TUBGCP4: variants seen among roughly 807,000 people sequenced by gnomAD.
TUBGCP4 encodes gamma-tubulin complex component 4.
In TUBGCP4, 54 loss-of-function variants were observed where a neutral mutation model predicts 91.6. The ratio of observed to expected loss-of-function variants is 0.59; its 90% CI spans 0.47 to 0.74. The LOEUF is 0.74. Among genes scored for constraint, TUBGCP4 ranks in the 30% least tolerant of loss-of-function variants. TUBGCP4 has a pLI of 0.00. For missense variants in TUBGCP4, 593 were observed against 800.9 expected, an observed-to-expected ratio of 0.74 and a Z score of 3.13; for synonymous variants, 297 against 302.8, an observed-to-expected ratio of 0.98 and a Z score of 0.20.
At position 43,407,338 on chromosome 15, in the gene TUBGCP4, A is replaced by AAT; in HGVS notation, c.*2125_*2126dup. On this transcript the variant is annotated 3_prime_UTR_variant, in exon 18 of 18. Transcript: ENST00000564079. The stretch of plus-strand genomic sequence containing the variant: ...CACATTTAAAACCTGGTTAAAACAC[A>AAT]ATCTCCACGATAGCAGGGAATAAAA... 6.4e-7 allele frequency: 1 copy of AAT among 1,571,840 alleles called. No individual in the cohort carries two copies.
Position 43,400,175 on chromosome 15 carries a change from G to C in TUBGCP4, c.1550G>C (p.Arg517Thr), listed in dbSNP as rs1177310642. 27 of 1,614,046 alleles carry C rather than the reference G, an allele frequency of 1.7e-5. No homozygotes were observed. The highest frequency in any genetic ancestry group is 2.3e-5 in the Non-Finnish European group (27 of 1,180,044). The change falls in exon 14 of 18, where the codon AGA becomes ACA. Residue 517 changes from arginine (R) to threonine (T), a missense_variant. Transcript: ENST00000564079. ...NQTDAIKWRL[R>T]NHMAFLVDNL... is the part of the protein sequence containing the mutation. ...ACTGATGCAATCAAGTGGCGCCTAA[G>C]AAATCACATGGCATTTTTGGTGGAT...
chr15:43,376,105 A>G lies in TUBGCP4; in HGVS notation c.86A>G (p.Gln29Arg), dbSNP rs753375716. The G allele has an allele frequency of 1.4e-5, 23 of 1,611,576 alleles. No individual in the cohort carries two copies. Among genetic ancestry groups the G allele is most frequent in the South Asian group, 1.3e-4 (12 of 91,004 alleles). The change falls in exon 2 of 18, where the codon CAG (glutamine) becomes CGG (arginine). Residue 29 changes from glutamine to arginine, a missense_variant. Physicochemically the swap from Gln to Arg is conservative, Grantham distance 43. Coordinates refer to ENST00000564079, the MANE Select transcript of TUBGCP4 (RefSeq NM_014444.5). ...WNKRSGLQVS[Q>R]DFPFLHPSET... is the part of the protein sequence containing the mutation. Reference sequence around the variant, plus strand: ...GTGTTCCTCTTCCTGCAGGTATCGCAGGACTTCCCTTTCCTCCACCCCAGT... The same window carrying G: ...GTGTTCCTCTTCCTGCAGGTATCGCGGGACTTCCCTTTCCTCCACCCCAGT...
At position 43,371,390 on chromosome 15, in the gene TUBGCP4, C is replaced by T; in HGVS notation, c.36C>T (p.Tyr12=). The part of the protein sequence containing the change: ...IHELLLALSG[Y]PGSIFTWNKR... ...AACTGCTCTTGGCTCTGAGCGGGTA[C>T]CCTGGGTCCATTTTCACCTGGAACA... Residue 12 remains tyrosine, a synonymous_variant, in exon 1 of 18, where the codon TAC becomes TAT. Transcript: ENST00000564079. 3 of 1,614,052 alleles carry T rather than the reference C, an allele frequency of 1.9e-6. No homozygotes were observed. Among genetic ancestry groups the T allele is most frequent in the Non-Finnish European group, 2.5e-6 (3 of 1,179,978 alleles).
intron 9 of TUBGCP4, among the ~76,000 whole-genome samples, chr15:43,389,761 A>G (rs2044436624): frequency 6.6e-6 from 1 of 152,182 alleles, no homozygotes; most frequent in Non-Finnish European, 1.5e-5. Flanking sequence ...AAAGTGGTTT[A>G]ATGAACTCAC....
At chr15:43,375,871 G>T (rs908890640) in intron 1 of TUBGCP4, among the ~76,000 whole-genome samples, 3 of 152,174 alleles carry the variant, frequency 2.0e-5, no homozygotes, top group Admixed American at 6.5e-5. Flanking sequence ...ATTTTATATT[G>T]TTTAAATTAT....
chr15:43,386,725 C>CAAAAAAAAAAAAAA (rs10718458), intron 9 of TUBGCP4, among the ~76,000 whole-genome samples: 1 of 67,012 alleles, frequency 1.5e-5, no homozygotes, highest in African/African-American at 5.7e-5. Flanking sequence ...ACTCTGTCTC[C>CAAAAAAAAAAAAAA]AAAAAAAAAA....
chr15:43,407,939 G>C lies in TUBGCP4; in HGVS notation c.*2725G>C, dbSNP rs372983329. On this transcript the variant is annotated 3_prime_UTR_variant, in exon 18 of 18. Coordinates refer to ENST00000564079, the MANE Select transcript of TUBGCP4 (RefSeq NM_014444.5). Reference sequence around the variant, plus strand: ...AAAGACACTACACACACTCTTTCAGGTACCTTTGTTATGGGCACTTGAATG... The same window carrying C: ...AAAGACACTACACACACTCTTTCAGCTACCTTTGTTATGGGCACTTGAATG... The C allele has an allele frequency of 5.6e-6, 9 of 1,610,410 alleles. No homozygotes were observed. The African/African-American group carries it at 1.2e-4, about 22-fold the overall frequency.
At chr15:43,403,987 A>G (rs2044769992) in intron 16 of TUBGCP4, 188 bp downstream of exon 16, 7 of 592,250 alleles carry the variant, frequency 1.2e-5, no homozygotes, top group Non-Finnish European at 1.8e-5. Flanking sequence ...GCCACCTCAC[A>G]GTGCTCAAAA....
rs1038081557 is a variant in TUBGCP4, at chr15:43,409,087, C to A, written c.*3873C>A. On this transcript the variant is annotated 3_prime_UTR_variant, in exon 18 of 18. Transcript: ENST00000564079. Reference sequence around the variant, plus strand: ...TCCGCAATTAGAAGACACTGGTAAGCTGTGTTACACTGCAAGAAAAGAAGC... The same window carrying A: ...TCCGCAATTAGAAGACACTGGTAAGATGTGTTACACTGCAAGAAAAGAAGC... 1 of 1,614,170 alleles carries A rather than the reference C, an allele frequency of 6.2e-7. No homozygotes were observed. Among genetic ancestry groups the A allele is most frequent in the African/African-American group, 1.3e-5 (1 of 75,046 alleles).
chr15:43,404,835 A>C lies in TUBGCP4; in HGVS notation c.1988+283A>C, dbSNP rs1429280845. The C allele has an allele frequency of 1.3e-5, 6 of 478,946 alleles. No individual in the cohort carries two copies. The East Asian group carries it at 1.8e-4, about 14-fold the overall frequency. The allele number at this position is 478,946 out of a possible 1,614,324, so 29.7% of individuals were successfully genotyped here. ...GGGAGGCAGTGGGCCTTCCACTCCC[A>C]ATTCTGATATGAACTAGCTGTGCAG... On this transcript the variant is annotated intron_variant, in intron 17 of 17. Transcript: ENST00000564079.
At chr15:43,395,898 T>C (rs2044572595) in intron 11 of TUBGCP4, among the ~76,000 whole-genome samples, 1 of 151,980 alleles carries the variant, frequency 6.6e-6, no homozygotes, top group Non-Finnish European at 1.5e-5. Context: ...CCTGGAAGAG[T>C]TGGTTCAGGC....
At position 43,406,131 on chromosome 15, in the gene TUBGCP4, C is replaced by T. The variant is rs1220456509; in HGVS notation, c.*917C>T. 6.7e-6 allele frequency: 1 copy of T among 148,628 alleles called. No homozygotes were observed. The highest frequency in any genetic ancestry group is 2.5e-5 in the African/African-American group (1 of 40,718). The allele number at this position is 148,628 out of a possible 1,614,324, so 9.2% of individuals were successfully genotyped here. On this transcript the variant is annotated 3_prime_UTR_variant, in exon 18 of 18. Coordinates refer to ENST00000564079, the MANE Select transcript of TUBGCP4 (RefSeq NM_014444.5). ...GATCAAGTTGTTAGATTTTTAAATA[C>T]TGAAGATTGCAGGCCCAATTACCCA...
intron 7 of TUBGCP4, 80 bp downstream of exon 7, chr15:43,383,584 C>A: frequency 7.7e-7 from 1 of 1,298,568 alleles, no homozygotes; most frequent in East Asian, 2.4e-5. Flanking sequence ...CTGGTGATCC[C>A]TTCTTAGCTC....
At position 43,406,220 on chromosome 15, in the gene TUBGCP4, A is replaced by C. The variant is rs532543669; in HGVS notation, c.*1006A>C. 5.8e-6 allele frequency: 1 copy of C among 171,144 alleles called. No individual in the cohort carries two copies. The highest frequency in any genetic ancestry group is 2.6e-3 in the Middle Eastern group (1 of 378). The allele number at this position is 171,144 out of a possible 1,614,324, so 10.6% of individuals were successfully genotyped here. On this transcript the variant is annotated 3_prime_UTR_variant, in exon 18 of 18. Transcript: ENST00000564079. The stretch of plus-strand genomic sequence containing the variant: ...GGCCCAGCCATCACTGGTAATCAAT[A>C]TTCATATCAGTGTAAGTAAAAAGAA...
chr15:43,405,031 A>G, intron 17 of TUBGCP4, 171 bp from the exon 18 acceptor site: 1 of 695,310 alleles, frequency 1.4e-6, no homozygotes, highest in East Asian at 2.8e-5. Flanking sequence ...CTTTCTCTCT[A>G]AAATGTCTGC....
Position 43,407,748 on chromosome 15 carries a change from T to C in TUBGCP4, c.*2534T>C. 3.8e-6 allele frequency: 3 copies of C among 781,408 alleles called. No individual in the cohort carries two copies. The highest frequency in any genetic ancestry group is 2.7e-5 in the East Asian group (1 of 37,450). 48.4% of individuals were successfully genotyped at this position (781,408 alleles called of 1,614,324 possible). Reference sequence around the variant, plus strand: ...GAGTTATAATCACTATGTGCTGACCTTGTAGAAATATTTAACAAATATACG... The same window carrying C: ...GAGTTATAATCACTATGTGCTGACCCTGTAGAAATATTTAACAAATATACG... On this transcript the variant is annotated 3_prime_UTR_variant, in exon 18 of 18. Transcript: ENST00000564079.
Position 43,397,314 on chromosome 15 carries a change from G to A in TUBGCP4, c.1272G>A (p.Glu424=), listed in dbSNP as rs761734764. The A allele has an allele frequency of 2.5e-6, 4 of 1,613,458 alleles. No individual in the cohort carries two copies. The South Asian group carries it at 4.4e-5, about 18-fold the overall frequency. ...LHLTIEYHGK[E]HKDATQAREG... is the part of the protein sequence containing the mutation. ...TGACAATCGAGTATCACGGAAAGGA[G>A]CACAAAGGTTTGCCATTCCTCCCTG... is the stretch of plus-strand genomic sequence containing the variant. The change falls in exon 12 of 18, where the codon GAG becomes GAA. Residue 424 remains glutamate, a synonymous_variant. Coordinates refer to ENST00000564079, the MANE Select transcript of TUBGCP4 (RefSeq NM_014444.5).
intron 9 of TUBGCP4, among the ~76,000 whole-genome samples, chr15:43,393,164 G>A (rs1243417681): frequency 1.3e-5 from 2 of 149,514 alleles, no homozygotes; most frequent in Non-Finnish European, 1.5e-5. Flanking sequence ...TTATACCAGT[G>A]TGTTTATCCA....
intron 3 of TUBGCP4, 106 bp from the exon 4 acceptor site, chr15:43,376,907 TA>T: frequency 9.3e-7 from 1 of 1,080,866 alleles, no homozygotes; most frequent in Non-Finnish European, 1.4e-6. Context: ...CTCGATAGCC[TA>T]AAATTAACAC....
Sources: gnomAD v4.1 joint callset for allele counts (sites outside exome capture counted in the v4.1 genomes callset) on GRCh38, gnomAD v4.1.1 for gene constraint, MANE v1.5 for transcripts, NCBI Gene and HGNC (gene_info 2026-07-23, HGNC 2026-07-21) for gene names.